CSMD1: variants seen among roughly 807,000 people sequenced by gnomAD.
CSMD1 encodes the protein CUB and sushi domain-containing protein 1.
Under a neutral mutation model 417.5 loss-of-function variants are expected in CSMD1, and 213 were observed. The ratio of observed to expected loss-of-function variants is 0.51; its 90% CI spans 0.46 to 0.57. The LOEUF is 0.57. CSMD1 is among the 20% of genes least tolerant of loss of function. CSMD1 has a pLI of 0.00. For missense variants in CSMD1, 6,923 were observed against 4,529.7 expected (o/e 1.53, Z -15.17); for synonymous variants, 2,862 against 1,736.8 (o/e 1.65, Z -16.11).
chr8:3,747,282 G>C (rs1485276700), intron 6 of CSMD1, among the ~76,000 whole-genome samples: 2 of 152,144 alleles, frequency 1.3e-5, no homozygotes, highest in Admixed American at 6.5e-5. Context: ...TGCCATCCAG[G>C]AGGGATTCTC....
intron 10 of CSMD1, among the ~76,000 whole-genome samples, chr8:3,573,450 T>A (rs1800023900): frequency 6.6e-6 from 1 of 152,180 alleles, no homozygotes; most frequent in African/African-American, 2.4e-5. Context: ...GAATCAAACT[T>A]GGAGGCTTTT....
intron 5 of CSMD1, among the ~76,000 whole-genome samples, chr8:3,831,705 A>C (rs769054078): frequency 1.3e-5 from 2 of 152,172 alleles, no homozygotes; most frequent in Non-Finnish European, 2.9e-5. Flanking sequence ...AATGCCAATG[A>C]ATTTACTATT....
Position 4,625,856 on chromosome 8 carries a change from A to G in CSMD1, c.302+11486T>C, listed in dbSNP as rs575096913. ...CTCATACCTGAGCCTCCCGAGTAGC[A>G]GGGACTACAGGTACACACCCCCACG... On this transcript the variant is annotated intron_variant, in intron 2 of 69. Coordinates refer to ENST00000635120, the MANE Select transcript of CSMD1 (RefSeq NM_033225.6). 1.2e-4 allele frequency among the ~76,000 whole-genome samples: 18 copies of G among 152,076 alleles called. No homozygotes were observed. The East Asian group carries it at 2.7e-3, about 23-fold the overall frequency.
At chr8:3,566,450 C>T (rs148483322) in intron 10 of CSMD1, among the ~76,000 whole-genome samples, 2 of 152,096 alleles carry the variant, frequency 1.3e-5, no homozygotes, top group African/African-American at 4.8e-5. Flanking sequence ...TAGGGACCAC[C>T]GTACCGCTCC....
chr8:4,625,675 G>C (rs1286321670), intron 2 of CSMD1, among the ~76,000 whole-genome samples: 1 of 151,976 alleles, frequency 6.6e-6, no homozygotes, highest in Non-Finnish European at 1.5e-5. Context: ...CTAAACCTAA[G>C]CAAGCAAATA....
chr8:4,869,362 C>A (rs1320043671), intron 1 of CSMD1, among the ~76,000 whole-genome samples: 1 of 151,828 alleles, frequency 6.6e-6, no homozygotes, highest in African/African-American at 2.4e-5. Flanking sequence ...TATGTTAATG[C>A]TCTCTGTATT....
intron 17 of CSMD1, among the ~76,000 whole-genome samples, chr8:3,394,845 A>T (rs1811590447): frequency 6.6e-6 from 1 of 152,182 alleles, no homozygotes; most frequent in African/African-American, 2.4e-5. Context: ...GTATATCTAT[A>T]TATGTGAAGA....
At position 3,471,981 on chromosome 8, in the gene CSMD1, C is replaced by T. The variant is rs576778921; in HGVS notation, c.1449-3157G>A. 4.6e-5 allele frequency among the ~76,000 whole-genome samples: 7 copies of T among 152,142 alleles called. No individual in the cohort carries two copies. In the South Asian group the frequency reaches 1.5e-3, roughly 32 times the overall value. On this transcript the variant is annotated intron_variant, in intron 11 of 69. Coordinates refer to ENST00000635120, the MANE Select transcript of CSMD1 (RefSeq NM_033225.6). Reference sequence around the variant, plus strand: ...CCTTTGGGATTACAGGTGATGTCAGCACCCTACTCATCTGTGTTCCCCACT... The same window carrying T: ...CCTTTGGGATTACAGGTGATGTCAGTACCCTACTCATCTGTGTTCCCCACT...
At chr8:4,732,327 G>T (rs1242335095) in intron 1 of CSMD1, among the ~76,000 whole-genome samples, 2 of 144,290 alleles carry the variant, frequency 1.4e-5, no homozygotes, top group South Asian at 2.3e-4. Flanking sequence ...AGAGTTAATA[G>T]ATTTAAATTT....
At chr8:4,862,051 A>G (rs1029866470) in intron 1 of CSMD1, among the ~76,000 whole-genome samples, 2 of 152,052 alleles carry the variant, frequency 1.3e-5, no homozygotes, top group East Asian at 1.9e-4. Flanking sequence ...TTAATACAGG[A>G]TGCTCAGGGA....
At chr8:4,078,126 A>G (rs1464132476) in intron 3 of CSMD1, among the ~76,000 whole-genome samples, 1 of 152,200 alleles carries the variant, frequency 6.6e-6, no homozygotes, top group Non-Finnish European at 1.5e-5. Context: ...GGAAAGTGCT[A>G]TAATGAACTT....
intron 20 of CSMD1, among the ~76,000 whole-genome samples, chr8:3,359,764 C>G (rs895715327): frequency 1.3e-5 from 2 of 151,996 alleles, no homozygotes; most frequent in Non-Finnish European, 2.9e-5. Context: ...GTTCCCAACA[C>G]AAAGAAATAA....
At chr8:3,565,459 C>A (rs1197530781) in intron 10 of CSMD1, among the ~76,000 whole-genome samples, 1 of 152,164 alleles carries the variant, frequency 6.6e-6, no homozygotes, top group Admixed American at 6.5e-5. Context: ...TGAATCGCCT[C>A]CTTAATAAAG....
At chr8:4,604,630 G>A (rs1404941032) in intron 2 of CSMD1, among the ~76,000 whole-genome samples, 9 of 152,032 alleles carry the variant, frequency 5.9e-5, no homozygotes, top group African/African-American at 2.2e-4. Context: ...TTAAATCTCT[G>A]CAAATGAAAT....
At chr8:4,046,562 G>A (rs1047105762) in intron 3 of CSMD1, among the ~76,000 whole-genome samples, 1 of 152,120 alleles carries the variant, frequency 6.6e-6, no homozygotes, top group Admixed American at 6.5e-5. Flanking sequence ...ATAACTGTGG[G>A]CTTCCAGGTA....
chr8:4,972,846 G>A (rs1042714281), intron 1 of CSMD1, among the ~76,000 whole-genome samples: 1 of 152,106 alleles, frequency 6.6e-6, no homozygotes, highest in Non-Finnish European at 1.5e-5. Context: ...CCAGTATCTG[G>A]AATGAAGTGA....
chr8:4,079,878 A>G (rs1375001825), intron 3 of CSMD1, among the ~76,000 whole-genome samples: 1 of 152,148 alleles, frequency 6.6e-6, no homozygotes, highest in Non-Finnish European at 1.5e-5. Flanking sequence ...TACCATCTTC[A>G]TAGGCTGGGG....
At chr8:3,620,601 A>T (rs1050428523) in intron 7 of CSMD1, among the ~76,000 whole-genome samples, 2 of 152,198 alleles carry the variant, frequency 1.3e-5, no homozygotes, top group African/African-American at 2.4e-5. Flanking sequence ...AGATACTGCC[A>T]TCATTGTAGG....
Position 3,087,106 on chromosome 8 carries a change from G to A in CSMD1, c.7465C>T (p.Leu2489Phe), listed in dbSNP as rs1408525712. The A allele has an allele frequency of 1.2e-6, 2 of 1,613,112 alleles. No homozygotes were observed. Among genetic ancestry groups the A allele is most frequent in the Non-Finnish European group, 8.5e-7 (1 of 1,179,676 alleles). ...GMYQWDSLTPLCQAVSCGIPE... is the reference protein window; with the variant it reads ...GMYQWDSLTPFCQAVSCGIPE... ...AAAACGCATTTCTTACCCTGGCAGA[G>A]TGGCGTGAGGGAGTCCCACTGGTAC... The change falls in exon 49 of 70, where the codon CTC (leucine) becomes TTC (phenylalanine). Residue 2489 changes from leucine to phenylalanine, a missense_variant. Coordinates refer to ENST00000635120, the MANE Select transcript of CSMD1 (RefSeq NM_033225.6).
Sources: gnomAD v4.1 joint callset for allele counts (sites outside exome capture counted in the v4.1 genomes callset) on GRCh38, gnomAD v4.1.1 for gene constraint, MANE v1.5 for transcripts, NCBI Gene and HGNC (gene_info 2026-07-23, HGNC 2026-07-21) for gene names.